NUDT13: variants seen among roughly 807,000 people sequenced by gnomAD.
The protein encoded by NUDT13 is nudix hydrolase 13, also known as NAD(P)H pyrophosphatase NUDT13, mitochondrial.
NUDT13 carries 40 observed loss-of-function variants against 41.7 expected under a neutral mutation model. That is an observed-to-expected ratio of 0.96 (90% CI 0.75 to 1.25). The LOEUF (loss-of-function observed/expected upper bound fraction) is 1.25. NUDT13 is among the 50% of genes most tolerant of loss of function. The pLI is 0.00. For synonymous variants in NUDT13, 145 were observed against 155.5 expected, an observed-to-expected ratio of 0.93 and a Z score of 0.50; for missense variants, 390 against 416.1, an observed-to-expected ratio of 0.94 and a Z score of 0.55.
chr10:73,124,720 A>G (rs1842729210), intron 5 of NUDT13: 1 of 199,856 alleles, frequency 5.0e-6, no homozygotes, highest in Non-Finnish European at 1.0e-5. Flanking sequence ...TGTGCATTTA[A>G]TTTAAAAAGA....
At chr10:73,124,557 A>T in intron 5 of NUDT13, 1 of 467,132 alleles carries the variant, frequency 2.1e-6, no homozygotes, top group Admixed American at 3.6e-5. Context: ...ATGCAGATCT[A>T]TGGCAATAGG....
At chr10:73,124,385 G>A in intron 5 of NUDT13, 65 bp downstream of exon 5, 1 of 1,049,080 alleles carries the variant, frequency 9.5e-7, no homozygotes, top group Non-Finnish European at 1.5e-6. Context: ...AAATCCATGT[G>A]TACACACAAG....
intron 2 of NUDT13, among the ~76,000 whole-genome samples, chr10:73,118,770 C>G: frequency 6.6e-6 from 1 of 151,878 alleles, no homozygotes. Flanking sequence ...GTCAGGAGTT[C>G]GAAACCAGCC....
chr10:73,130,845 C>T lies in NUDT13; in HGVS notation c.1001C>T (p.Ser334Phe), dbSNP rs141533992. Residue 334 changes from serine (S) to phenylalanine (F), a missense_variant, in exon 9 of 9, where the codon TCC (serine) becomes TTC (phenylalanine). Ser to Phe is a radical substitution (Grantham distance 155). Transcript: ENST00000357321. ...TGGCTGCCCCCTAAGTTAGCCATCT[C>T]CCACCAACTGATTAAGGAGTGGGTG... ...PFWLPPKLAI[S>F]HQLIKEWVEK... 6.6e-4 allele frequency: 1,062 copies of T among 1,613,952 alleles called. No individual in the cohort carries two copies. The highest frequency in any genetic ancestry group is 1.8e-3 in the Admixed American group (111 of 60,004).
At chr10:73,123,850 G>C (rs1360180591) in intron 4 of NUDT13, among the ~76,000 whole-genome samples, 6 of 151,816 alleles carry the variant, frequency 4.0e-5, no homozygotes, top group Non-Finnish European at 7.4e-5. Flanking sequence ...ATACAGACAG[G>C]GTTTCACCAT....
intron 4 of NUDT13, among the ~76,000 whole-genome samples, chr10:73,122,883 A>G (rs1467851058): frequency 6.9e-6 from 1 of 145,364 alleles, no homozygotes; most frequent in African/African-American, 2.6e-5. Flanking sequence ...CACCTGGCCT[A>G]TACATTTTGT....
chr10:73,118,082 CT>C (rs1842558318), intron 2 of NUDT13, among the ~76,000 whole-genome samples: 1 of 152,154 alleles, frequency 6.6e-6, no homozygotes, highest in Non-Finnish European at 1.5e-5. Flanking sequence ...TTGTACCACT[CT>C]TTCTGTTCTT....
intron 5 of NUDT13, 195 bp from the exon 6 acceptor site, chr10:73,124,923 C>T: frequency 1.4e-5 from 7 of 497,136 alleles, no homozygotes; most frequent in East Asian, 3.3e-5. Flanking sequence ...TTCTTTTATT[C>T]AGATTTCTGA....
At chr10:73,119,943 A>C (rs1367259995) in intron 2 of NUDT13, 75 bp from the exon 3 acceptor site, 3 of 1,419,086 alleles carry the variant, frequency 2.1e-6, no homozygotes, top group Non-Finnish European at 3.0e-6. Flanking sequence ...ATGCAGCGAC[A>C]GCATTCTCAA....
intron 4 of NUDT13, 121 bp downstream of exon 4, chr10:73,122,430 T>A: frequency 3.1e-6 from 3 of 974,828 alleles, no homozygotes; most frequent in Admixed American, 5.0e-5. Context: ...TTCTATTTTT[T>A]AAAAAAGGAC....
At chr10:73,129,782 A>G (rs1233393107) in intron 8 of NUDT13, among the ~76,000 whole-genome samples, 1 of 151,680 alleles carries the variant, frequency 6.6e-6, no homozygotes, top group Non-Finnish European at 1.5e-5. Flanking sequence ...GTTCAAAAAC[A>G]TCCTGTCCAA....
chr10:73,130,489 C>T (rs7099250), intron 8 of NUDT13: 23,465 of 204,852 alleles, frequency 0.11, 2,449 homozygotes, highest in African/African-American at 0.3. Flanking sequence ...TATATATATA[C>T]ACACACACAC....
chr10:73,130,689 C>T lies in NUDT13; in HGVS notation c.859-14C>T, dbSNP rs1842898551. On this transcript the variant is annotated splice_polypyrimidine_tract_variant and intron_variant, in intron 8 of 8. Transcript: ENST00000357321. ...CTCCTGACCTTACATCCTTTTCTTC[C>T]TTATGTCTTTCAGATCCAGGTGAAC... 1 of 1,610,836 alleles carries T rather than the reference C, an allele frequency of 6.2e-7. No homozygotes were observed. Among genetic ancestry groups the T allele is most frequent in the Non-Finnish European group, 8.5e-7 (1 of 1,177,652 alleles).
intron 8 of NUDT13, among the ~76,000 whole-genome samples, chr10:73,127,732 C>T (rs1012220719): frequency 2.0e-5 from 3 of 151,294 alleles, no homozygotes; most frequent in Non-Finnish European, 2.9e-5. Context: ...TCTCCCACCC[C>T]ACTTTTTTTT....
chr10:73,126,365 G>A (rs1480149148), intron 7 of NUDT13, among the ~76,000 whole-genome samples: 2 of 152,152 alleles, frequency 1.3e-5, no homozygotes, highest in South Asian at 2.1e-4. Flanking sequence ...TTATTTACAG[G>A]TTGGTTTTTT....
chr10:73,124,152 G>C (rs992169452), intron 4 of NUDT13, 62 bp from the exon 5 acceptor site: 13 of 1,127,150 alleles, frequency 1.2e-5, no homozygotes, highest in Admixed American at 1.0e-4. Flanking sequence ...GGATAGACTG[G>C]AGAGAGGCCC....
intron 2 of NUDT13, among the ~76,000 whole-genome samples, chr10:73,116,839 A>G (rs1408054435): frequency 6.8e-6 from 1 of 147,406 alleles, no homozygotes; most frequent in African/African-American, 2.5e-5. Context: ...ATTGTTGGAC[A>G]TTTAGATTGC....
At chr10:73,126,003 T>C (rs1564653782) in intron 7 of NUDT13, 1 of 160,940 alleles carries the variant, frequency 6.2e-6, no homozygotes, top group African/African-American at 2.4e-5. Flanking sequence ...TTTTCAAACA[T>C]AGGAGATTGT....
intron 2 of NUDT13, among the ~76,000 whole-genome samples, chr10:73,119,279 C>T (rs1277407849): frequency 1.3e-5 from 2 of 152,036 alleles, no homozygotes; most frequent in Non-Finnish European, 2.9e-5. Context: ...CTCCTGACCT[C>T]GTGATCCACC....
Sources: gnomAD v4.1 joint callset for allele counts (sites outside exome capture counted in the v4.1 genomes callset) on GRCh38, gnomAD v4.1.1 for gene constraint, MANE v1.5 for transcripts, NCBI Gene and HGNC (gene_info 2026-07-23, HGNC 2026-07-21) for gene names.